Variants in MCCC1 observed in about 807,000 individuals in gnomAD.
The protein encoded by MCCC1 is methylcrotonoyl-CoA carboxylase subunit alpha, mitochondrial.
Under a neutral mutation model 83.8 loss-of-function variants are expected in MCCC1, and 64 were observed. The observed-to-expected ratio is 0.76, with a 90% confidence interval of 0.62 to 0.94. The LOEUF (loss-of-function observed/expected upper bound fraction) is 0.94. Ranked by LOEUF, MCCC1 falls within the 40% of genes least tolerant of loss-of-function variation. MCCC1 has a pLI of 0.00. For missense variants in MCCC1, 807 were observed against 904.7 expected (o/e 0.89, Z 1.39); for synonymous variants, 322 against 315.4 (o/e 1.02, Z -0.22).
chr3:183,102,758 GTTTTTTTTTT>G (rs566199257), upstream of MCCC1, among the ~76,000 whole-genome samples: 207 of 52,174 alleles, frequency 4.0e-3, 9 homozygotes, highest in African/African-American at 0.014. Context: ...AGCAGAGAAA[GTTTTTTTTTT>G]TTTTTTTTTT....
At chr3:183,089,423 GA>G (rs1184589226) in intron 3 of MCCC1, among the ~76,000 whole-genome samples, 1 of 152,080 alleles carries the variant, frequency 6.6e-6, no homozygotes, top group Admixed American at 6.6e-5. Flanking sequence ...AGCGCTTTGG[GA>G]CAACATAGTG....
At chr3:183,027,796 T>C (rs888318653) in intron 14 of MCCC1, among the ~76,000 whole-genome samples, 19 of 152,178 alleles carry the variant, frequency 1.2e-4, no homozygotes, top group Non-Finnish European at 1.9e-4. Flanking sequence ...CTCTCTTCAA[T>C]TCAATTAAGG....
intron 1 of MCCC1, among the ~76,000 whole-genome samples, chr3:183,105,743 T>C (rs1719392251): frequency 6.6e-6 from 1 of 151,778 alleles, no homozygotes; most frequent in South Asian, 2.1e-4. Context: ...GGGAAGGCTA[T>C]GAAGAGAGTG....
At chr3:183,034,673 C>A (rs1356037606) in intron 13 of MCCC1, among the ~76,000 whole-genome samples, 1 of 152,112 alleles carries the variant, frequency 6.6e-6, no homozygotes, top group African/African-American at 2.4e-5. Flanking sequence ...TTTGATGGGG[C>A]AAATTCATTC....
intron 11 of MCCC1, among the ~76,000 whole-genome samples, chr3:183,039,923 T>A (rs1326573917): frequency 2.6e-5 from 4 of 151,584 alleles, no homozygotes; most frequent in Non-Finnish European, 1.5e-5. Context: ...AGTGAAACCC[T>A]GTCTCTACTA....
intron 16 of MCCC1, 126 bp downstream of exon 16, chr3:183,022,289 CTG>C: frequency 8.8e-7 from 1 of 1,131,456 alleles, no homozygotes; most frequent in Middle Eastern, 2.2e-4. Flanking sequence ...GTGGGGGAAA[CTG>C]AGGGAAAAAG....
chr3:183,051,634 A>C (rs1714985882), intron 9 of MCCC1, among the ~76,000 whole-genome samples: 1 of 152,286 alleles, frequency 6.6e-6, no homozygotes, highest in East Asian at 1.9e-4. Context: ...AGAATGTACA[A>C]CACCAAGAGT....
intron 7 of MCCC1, 91 bp downstream of exon 7, chr3:183,070,908 C>T: frequency 1.5e-6 from 2 of 1,360,208 alleles, no homozygotes; most frequent in Non-Finnish European, 2.0e-6. Context: ...TACTTATATA[C>T]TACTACAGTT....
At chr3:183,080,522 G>A (rs929698627) in intron 4 of MCCC1, among the ~76,000 whole-genome samples, 3 of 151,780 alleles carry the variant, frequency 2.0e-5, no homozygotes, top group Admixed American at 1.3e-4. Flanking sequence ...CAGCATTTTG[G>A]GCAAAGCCAT....
intron 6 of MCCC1, 25 bp from the exon 7 acceptor site, chr3:183,071,145 C>T: frequency 6.2e-7 from 1 of 1,614,174 alleles, no homozygotes; most frequent in South Asian, 1.1e-5. Context: ...ATGATTATGA[C>T]TACAACATAA....
At chr3:183,053,736 C>A (rs1443065743) in intron 8 of MCCC1, among the ~76,000 whole-genome samples, 1 of 144,520 alleles carries the variant, frequency 6.9e-6, no homozygotes, top group Non-Finnish European at 1.5e-5. Flanking sequence ...ACCCAGGAGG[C>A]AGAGGCTGCA....
intron 10 of MCCC1, among the ~76,000 whole-genome samples, chr3:183,042,445 C>G (rs565014025): frequency 6.6e-6 from 1 of 152,292 alleles, no homozygotes; most frequent in South Asian, 2.1e-4. Flanking sequence ...TGCACTTTCT[C>G]TCTTTACTCT....
At chr3:183,029,919 C>A (rs932082695) in intron 14 of MCCC1, among the ~76,000 whole-genome samples, 17 of 152,102 alleles carry the variant, frequency 1.1e-4, no homozygotes, top group Admixed American at 1.3e-4. Flanking sequence ...AAATACTTGG[C>A]CTGATATTGG....
chr3:183,064,387 C>T lies in MCCC1; in HGVS notation c.761+6612G>A, dbSNP rs1015341198. ...AGACATCGACAAGTAGGAAAATTTGCGAGGTCCGAGAGGGACTGCAGGAAA... is the reference window on the plus strand; with the variant it reads ...AGACATCGACAAGTAGGAAAATTTGTGAGGTCCGAGAGGGACTGCAGGAAA... On this transcript the variant is annotated intron_variant, in intron 7 of 18. Coordinates refer to ENST00000265594, the MANE Select transcript of MCCC1 (RefSeq NM_020166.5). This position sits in a 1 kb window ranked among gnomAD's most constrained non-coding sequence, Gnocchi z 4.5. 2.6e-5 allele frequency among the ~76,000 whole-genome samples: 4 copies of T among 152,104 alleles called. No homozygotes were observed. Among genetic ancestry groups the T allele is most frequent in the Non-Finnish European group, 4.4e-5 (3 of 68,008 alleles).
chr3:183,071,471 T>A, intron 5 of MCCC1, 114 bp from the exon 6 acceptor site: 2 of 1,479,968 alleles, frequency 1.4e-6, no homozygotes. Flanking sequence ...AAAGAAAACA[T>A]CGAGTCTGAG....
chr3:183,109,677 GCA>G (rs1560296876), intron 1 of MCCC1, among the ~76,000 whole-genome samples: 54 of 151,780 alleles, frequency 3.6e-4, no homozygotes, highest in Non-Finnish European at 5.7e-4. Flanking sequence ...TAGGTTGACT[GCA>G]TGTCTTTGCT....
At chr3:183,020,290 T>G in intron 16 of MCCC1, 53 bp from the exon 17 acceptor site, 5 of 1,313,926 alleles carry the variant, frequency 3.8e-6, no homozygotes, top group Middle Eastern at 1.8e-4. Flanking sequence ...CACTATATTT[T>G]TACTAATATA....
At chr3:183,054,187 A>AT (rs1715228205) in intron 8 of MCCC1, among the ~76,000 whole-genome samples, 1 of 133,578 alleles carries the variant, frequency 7.5e-6, no homozygotes, top group African/African-American at 2.8e-5. Context: ...CAGCCAAGAA[A>AT]ATTTTTTTTT....
At position 183,071,030 on chromosome 3, in the gene MCCC1, T is replaced by C. The variant is rs369227006; in HGVS notation, c.730A>G (p.Met244Val). 2 of 1,614,212 alleles carry C rather than the reference T, an allele frequency of 1.2e-6. No individual in the cohort carries two copies. The highest frequency in any genetic ancestry group is 3.3e-5 in the Admixed American group (2 of 60,022). The change falls in exon 7 of 19, where the codon ATG (methionine) becomes GTG (valine). Residue 244 changes from methionine (M) to valine (V), a missense_variant. Met to Val is a conservative substitution (Grantham distance 21). Transcript: ENST00000265594. ...EAKKSFNDDA[M>V]LIEKFVDTPR... ...GTGTCTACAAACTTCTCGATCAGCA[T>C]AGCATCATCATTGAAAGACTTCTTA...
Sources: gnomAD v4.1 joint callset for allele counts (sites outside exome capture counted in the v4.1 genomes callset) on GRCh38, gnomAD v4.1.1 for gene constraint, Gnocchi (gnomAD v3.1) non-coding constraint, MANE v1.5 for transcripts, NCBI Gene and HGNC (gene_info 2026-07-23, HGNC 2026-07-21) for gene names.